Variants in ZBED4 observed in about 807,000 individuals in gnomAD.
ZBED4 encodes zinc finger BED domain-containing protein 4.
In ZBED4, 4 loss-of-function variants were observed where a neutral mutation model predicts 15.5. That is an observed-to-expected ratio of 0.26 (90% CI 0.13 to 0.59). The LOEUF is 0.59. ZBED4 is among the 20% of genes least tolerant of loss of function. The probability of loss-of-function intolerance (pLI) is 0.90; values close to 1 mark genes in which losing one functional copy is unlikely to be tolerated. For synonymous variants in ZBED4, 692 were observed against 608.5 expected (o/e 1.14, Z -2.02); for missense variants, 1,323 against 1,461.8 (o/e 0.91, Z 1.55).
chr22:49,869,342 G>A (rs576445063), intron 1 of ZBED4, among the ~76,000 whole-genome samples: 1 of 152,288 alleles, frequency 6.6e-6, no homozygotes, highest in South Asian at 2.1e-4. Context: ...TGCCTACCTC[G>A]TACCCGCGTG....
intron 1 of ZBED4, among the ~76,000 whole-genome samples, chr22:49,879,287 G>A (rs1269400350): frequency 4.6e-5 from 7 of 151,284 alleles, no homozygotes; most frequent in East Asian, 2.0e-4. Flanking sequence ...ACCACGCCGC[G>A]CTAATTTTTT....
intron 1 of ZBED4, among the ~76,000 whole-genome samples, chr22:49,861,874 T>G (rs1421277820): frequency 1.3e-5 from 2 of 152,174 alleles, no homozygotes; most frequent in Non-Finnish European, 2.9e-5. Flanking sequence ...GTGAGGACTG[T>G]CTTCAGGTCT....
chr22:49,861,261 C>T (rs111875196), intron 1 of ZBED4, among the ~76,000 whole-genome samples: 6,668 of 151,856 alleles, frequency 0.044, 323 homozygotes, highest in African/African-American at 0.13. Flanking sequence ...TGTGCCTCAG[C>T]CTCCTGAGTA....
intron 1 of ZBED4, among the ~76,000 whole-genome samples, chr22:49,873,965 C>T (rs570035058): frequency 7.9e-5 from 12 of 152,322 alleles, no homozygotes; most frequent in South Asian, 6.2e-4. Context: ...AGGACATTCC[C>T]GGGGAGCTGG....
At chr22:49,874,631 C>G (rs1178366955) in intron 1 of ZBED4, among the ~76,000 whole-genome samples, 1 of 143,172 alleles carries the variant, frequency 7.0e-6, no homozygotes, top group African/African-American at 2.5e-5. Flanking sequence ...CCTTGGCCTC[C>G]CGAAGTGCTG....
At chr22:49,855,745 G>T (rs2060272523) in intron 1 of ZBED4, among the ~76,000 whole-genome samples, 1 of 152,164 alleles carries the variant, frequency 6.6e-6, no homozygotes, top group South Asian at 2.1e-4. Context: ...TCTTTGGTGT[G>T]GTGGTTGTCT....
chr22:49,868,263 TA>T (rs2060330738), intron 1 of ZBED4, among the ~76,000 whole-genome samples: 1 of 152,204 alleles, frequency 6.6e-6, no homozygotes, highest in Non-Finnish European at 1.5e-5. Flanking sequence ...AAAAATAAAA[TA>T]TAGGCAGTGT....
intron 1 of ZBED4, among the ~76,000 whole-genome samples, chr22:49,872,351 G>A (rs973852958): frequency 4.6e-5 from 7 of 152,018 alleles, no homozygotes; most frequent in Middle Eastern, 3.2e-3. Context: ...CAGCAATTCC[G>A]CCGTATCTTT....
chr22:49,870,908 G>A (rs1382898569), intron 1 of ZBED4, among the ~76,000 whole-genome samples: 3 of 151,008 alleles, frequency 2.0e-5, no homozygotes, highest in East Asian at 2.0e-4. Flanking sequence ...CATAATTCAC[G>A]TAGCTACATT....
chr22:49,888,055 T>A lies in ZBED4; in HGVS notation c.*877T>A, dbSNP rs1601807524. On this transcript the variant is annotated 3_prime_UTR_variant, in exon 2 of 2. Coordinates refer to ENST00000216268, the MANE Select transcript of ZBED4 (RefSeq NM_014838.3). ...CTTGTTTGATCAAATTTGTGTAAAA[T>A]TTTTTTAGAAGAGATGGCTTATTAA... The A allele has an allele frequency of 1.2e-5, 2 of 167,214 alleles. No homozygotes were observed. The highest frequency in any genetic ancestry group is 6.5e-5 in the Admixed American group (1 of 15,276). The allele number at this position is 167,214 out of a possible 1,614,324, so 10.4% of individuals were successfully genotyped here.
At chr22:49,859,465 G>C (rs775875519) in intron 1 of ZBED4, among the ~76,000 whole-genome samples, 3 of 152,092 alleles carry the variant, frequency 2.0e-5, no homozygotes, top group Non-Finnish European at 2.9e-5. Flanking sequence ...ACGTGGTCCT[G>C]GGAATGCATC....
chr22:49,863,350 C>T (rs931781927), intron 1 of ZBED4, among the ~76,000 whole-genome samples: 2 of 151,498 alleles, frequency 1.3e-5, no homozygotes, highest in East Asian at 2.0e-4. Flanking sequence ...TTTTGTAGGC[C>T]GGGTGTGGTG....
intron 1 of ZBED4, among the ~76,000 whole-genome samples, chr22:49,869,121 CAAA>C (rs113863967): frequency 1.1e-4 from 10 of 93,362 alleles, no homozygotes; most frequent in Admixed American, 2.4e-4. Context: ...AAAACTGTCT[CAAA>C]AAAAAAAAAA....
Position 49,862,693 on chromosome 22 carries a change from CTTTTTTTTTTTTT to C in ZBED4, c.-330+8718_-330+8730del, listed in dbSNP as rs66520307. Among the ~76,000 whole-genome samples, 5 of 59,016 alleles carry C rather than the reference CTTTTTTTTTTTTT, an allele frequency of 8.5e-5. 1 individual carries two copies. Among genetic ancestry groups the C allele is most frequent in the East Asian group, 1.4e-3 (2 of 1,468 alleles). The allele number at this position is 59,016 out of a possible 152,430, so 38.7% of individuals were successfully genotyped here. A position where few individuals can be genotyped will look rare whatever the true frequency, so the allele number is the denominator to read the frequency against. On this transcript the variant is annotated intron_variant, in intron 1 of 1. Coordinates refer to ENST00000216268, the MANE Select transcript of ZBED4 (RefSeq NM_014838.3). ...CCTCTAAATATTAGTTAAGTTTTTCCTTTTTTTTTTTTTTTTTTTTTTTTTTAGACTTAAGTCT... is the reference window on the plus strand; with the variant it reads ...CCTCTAAATATTAGTTAAGTTTTTCCTTTTTTTTTTTTTAGACTTAAGTCT...
chr22:49,884,667 C>T lies in ZBED4; in HGVS notation c.1005C>T (p.His335=), dbSNP rs751121432. The T allele has an allele frequency of 3.7e-6, 6 of 1,610,446 alleles. No homozygotes were observed. Among genetic ancestry groups the T allele is most frequent in the Non-Finnish European group, 5.1e-6 (6 of 1,177,998 alleles). ...TCATCAGGCACATGTGGAGGGCACACCGCGCCATCGTGTTGCAGGAGAACG... is the reference window on the plus strand; with the variant it reads ...TCATCAGGCACATGTGGAGGGCACATCGCGCCATCGTGTTGCAGGAGAACG... The part of the protein sequence containing the change: ...SCLIRHMWRA[H]RAIVLQENGG... Residue 335 remains histidine, a synonymous_variant, in exon 2 of 2, where the codon CAC becomes CAT. Coordinates refer to ENST00000216268, the MANE Select transcript of ZBED4 (RefSeq NM_014838.3).
rs767538197 is a variant in ZBED4 at position 49,885,222 on chromosome 22, G to A, written c.1560G>A (p.Leu520=). 2 of 1,613,184 alleles carry A rather than the reference G, an allele frequency of 1.2e-6. No individual in the cohort carries two copies. Among genetic ancestry groups the A allele is most frequent in the Non-Finnish European group, 8.5e-7 (1 of 1,179,484 alleles). The change falls in exon 2 of 2, where the codon CTG becomes CTA. Residue 520 remains leucine (L), a synonymous_variant. Transcript: ENST00000216268. ...GSQKGFLGAS[L]ANSPYATLAS... is the part of the protein sequence containing the mutation. ...AGAAGGGCTTCCTGGGTGCAAGTCT[G>A]GCAAACTCTCCGTATGCCACTTTGG...
intron 1 of ZBED4, among the ~76,000 whole-genome samples, chr22:49,869,539 T>G (rs1444532867): frequency 6.6e-6 from 1 of 152,262 alleles, no homozygotes; most frequent in African/African-American, 2.4e-5. Context: ...TACTGCTTAC[T>G]GAATTCTGGT....
chr22:49,877,481 G>A (rs1300329145), intron 1 of ZBED4, among the ~76,000 whole-genome samples: 4 of 151,894 alleles, frequency 2.6e-5, no homozygotes, highest in South Asian at 2.1e-4. Context: ...TAGTAGAGAC[G>A]GGGTTTCACC....
At chr22:49,872,987 C>G (rs567395598) in intron 1 of ZBED4, among the ~76,000 whole-genome samples, 2 of 152,166 alleles carry the variant, frequency 1.3e-5, no homozygotes, top group African/African-American at 4.8e-5. Flanking sequence ...TGAACTACCG[C>G]GCCCAGCCAA....
Sources: gnomAD v4.1 joint callset for allele counts (sites outside exome capture counted in the v4.1 genomes callset) on GRCh38, gnomAD v4.1.1 for gene constraint, MANE v1.5 for transcripts, NCBI Gene and HGNC (gene_info 2026-07-23, HGNC 2026-07-21) for gene names.